Variants in NRG3 observed in about 807,000 individuals in gnomAD.
NRG3 encodes pro-neuregulin-3, membrane-bound isoform.
Under a neutral mutation model 66.9 loss-of-function variants are expected in NRG3, and 31 were observed. That is an observed-to-expected ratio of 0.46 (90% CI 0.35 to 0.63). The LOEUF (loss-of-function observed/expected upper bound fraction) is 0.63. Ranked by LOEUF, NRG3 falls within the 20% of genes least tolerant of loss-of-function variation. NRG3 has a pLI of 0.00. For synonymous variants in NRG3, 393 were observed against 359.4 expected (o/e 1.09, Z -1.06); for missense variants, 910 against 878.9 (o/e 1.04, Z -0.45).
intron 2 of NRG3, among the ~76,000 whole-genome samples, chr10:82,539,525 A>C (rs1046473567): frequency 3.9e-5 from 6 of 152,308 alleles, no homozygotes; most frequent in Middle Eastern, 3.4e-3. Context: ...CTCTGAGGAC[A>C]GTCCTTGGAT....
chr10:81,879,000 A>C (rs936760865), intron 1 of NRG3, among the ~76,000 whole-genome samples: 30 of 152,206 alleles, frequency 2.0e-4, no homozygotes, highest in Non-Finnish European at 3.8e-4. Flanking sequence ...GGAAAGGCCC[A>C]GTTAGAGAAC....
At chr10:82,888,841 T>C (rs2094050852) in intron 4 of NRG3, among the ~76,000 whole-genome samples, 1 of 152,076 alleles carries the variant, frequency 6.6e-6, no homozygotes, top group Non-Finnish European at 1.5e-5. Context: ...AAGGCCTCAC[T>C]AAGAACGTAG....
chr10:82,678,996 T>C (rs901138207), intron 2 of NRG3, among the ~76,000 whole-genome samples: 3 of 152,234 alleles, frequency 2.0e-5, no homozygotes, highest in Non-Finnish European at 4.4e-5. Flanking sequence ...GTAGACATTG[T>C]TGTTAGACCT....
intron 3 of NRG3, among the ~76,000 whole-genome samples, chr10:82,827,648 A>C (rs1389585880): frequency 6.6e-6 from 1 of 152,236 alleles, no homozygotes; most frequent in Non-Finnish European, 1.5e-5. Context: ...TTAAAAACAA[A>C]ATCTCAGAAT....
intron 1 of NRG3, among the ~76,000 whole-genome samples, chr10:81,894,836 C>G (rs1843373626): frequency 6.6e-6 from 1 of 152,120 alleles, no homozygotes. Context: ...TGCACCTGGG[C>G]CTTGCGACAG....
chr10:82,361,425 C>G (rs2084134362), intron 2 of NRG3, among the ~76,000 whole-genome samples: 1 of 152,144 alleles, frequency 6.6e-6, no homozygotes, highest in African/African-American at 2.4e-5. Context: ...GCCTGCTATT[C>G]ATCTCTCAAG....
chr10:82,501,801 T>A (rs1844217213), intron 2 of NRG3, among the ~76,000 whole-genome samples: 2 of 152,184 alleles, frequency 1.3e-5, no homozygotes, highest in Non-Finnish European at 1.5e-5. Flanking sequence ...TTCTGCTTTA[T>A]CTTACTCCAT....
chr10:81,963,001 G>A (rs554971826), intron 1 of NRG3, among the ~76,000 whole-genome samples: 31 of 152,250 alleles, frequency 2.0e-4, no homozygotes, highest in African/African-American at 7.0e-4. Flanking sequence ...CCTGCTCAGA[G>A]TCAAGGGAGA....
At chr10:82,803,259 A>G (rs1415772032) in intron 3 of NRG3, among the ~76,000 whole-genome samples, 4 of 152,150 alleles carry the variant, frequency 2.6e-5, no homozygotes, top group African/African-American at 9.7e-5. Flanking sequence ...AGAAAACTTT[A>G]TCTGTGGATG....
chr10:82,694,204 A>C (rs2055186073), intron 2 of NRG3, among the ~76,000 whole-genome samples: 1 of 152,026 alleles, frequency 6.6e-6, no homozygotes, highest in Admixed American at 6.6e-5. Flanking sequence ...TGCATTTAGA[A>C]TCCTTTAGCT....
At chr10:81,881,640 G>C (rs1219990153) in intron 1 of NRG3, among the ~76,000 whole-genome samples, 1 of 152,182 alleles carries the variant, frequency 6.6e-6, no homozygotes, top group African/African-American at 2.4e-5. Flanking sequence ...ATGCTGTTAA[G>C]TAATTGGTTG....
At chr10:82,531,366 G>A (rs573211387) in intron 2 of NRG3, among the ~76,000 whole-genome samples, 12 of 151,676 alleles carry the variant, frequency 7.9e-5, no homozygotes, top group African/African-American at 2.4e-5. Flanking sequence ...TGATTAGTTC[G>A]ATGATGTTAT....
At chr10:82,084,979 G>T (rs1239190939) in intron 1 of NRG3, among the ~76,000 whole-genome samples, 1 of 152,066 alleles carries the variant, frequency 6.6e-6, no homozygotes, top group Non-Finnish European at 1.5e-5. Flanking sequence ...AGCTATGTTG[G>T]GCAACTAGTC....
chr10:82,178,001 A>T (rs1461342116), intron 1 of NRG3, among the ~76,000 whole-genome samples: 3 of 152,134 alleles, frequency 2.0e-5, no homozygotes, highest in African/African-American at 7.2e-5. Context: ...CATGTAAATT[A>T]TCGAAGAGCC....
chr10:82,526,795 G>A (rs1215848874), intron 2 of NRG3, among the ~76,000 whole-genome samples: 2 of 151,892 alleles, frequency 1.3e-5, no homozygotes, highest in Admixed American at 6.6e-5. Flanking sequence ...ACAAAGAGTA[G>A]GAATGAGTTA....
At chr10:82,512,844 T>C (rs1402532304) in intron 2 of NRG3, among the ~76,000 whole-genome samples, 1 of 152,226 alleles carries the variant, frequency 6.6e-6, no homozygotes, top group African/African-American at 2.4e-5. Flanking sequence ...ACTTGTCCTT[T>C]TAGTTCAATA....
At chr10:82,815,804 A>G (rs1383506196) in intron 3 of NRG3, among the ~76,000 whole-genome samples, 1 of 152,056 alleles carries the variant, frequency 6.6e-6, no homozygotes, top group East Asian at 1.9e-4. Flanking sequence ...TGGATCCCAC[A>G]CCTGCTAAGG....
At chr10:82,979,655 C>G (rs1243809151) in intron 8 of NRG3, among the ~76,000 whole-genome samples, 3 of 152,150 alleles carry the variant, frequency 2.0e-5, no homozygotes, top group Non-Finnish European at 4.4e-5. Flanking sequence ...GCTTTGGACA[C>G]CATTGCTGCT....
chr10:82,942,157 A>G (rs1195928503), intron 4 of NRG3, among the ~76,000 whole-genome samples: 1 of 152,130 alleles, frequency 6.6e-6, no homozygotes, highest in Admixed American at 6.5e-5. Context: ...CTAGGTCCCT[A>G]TACCTGGAGG....
Sources: allele counts gnomAD v4.1 joint callset (sites outside exome capture counted in the v4.1 genomes callset), GRCh38; gene constraint gnomAD v4.1.1; transcripts MANE v1.5; gene names NCBI Gene and HGNC (gene_info 2026-07-23, HGNC 2026-07-21).